Variants in WDR25 observed in about 807,000 individuals in gnomAD.
The protein encoded by WDR25 is WD repeat domain 25, also known as WD repeat-containing protein 25.
WDR25 carries 35 observed loss-of-function variants against 47.7 expected under a neutral mutation model. That is an observed-to-expected ratio of 0.73 (90% CI 0.56 to 0.97). The LOEUF (loss-of-function observed/expected upper bound fraction) is 0.97, where lower values mean the gene tolerates loss of function less well. WDR25 is among the 50% of genes least tolerant of loss of function. The pLI, the probability that WDR25 is intolerant of heterozygous loss-of-function variation, is 0.00. For missense variants in WDR25, 634 were observed against 704.7 expected, an observed-to-expected ratio of 0.90 and a Z score of 1.14; for synonymous variants, 248 against 278.9, an observed-to-expected ratio of 0.89 and a Z score of 1.10.
rs546879041 is a variant in WDR25, at chr14:100,381,288, G to A, written c.364G>A (p.Val122Ile). 23 of 1,614,210 alleles carry A rather than the reference G, an allele frequency of 1.4e-5. No homozygotes were observed. In the South Asian group the frequency reaches 2.4e-4, roughly 17 times the overall value. The change falls in exon 2 of 7, where the codon GTT becomes ATT. Residue 122 changes from valine (V) to isoleucine (I), a missense_variant. Val to Ile is a conservative substitution (Grantham distance 29). Transcript: ENST00000402312. The stretch of plus-strand genomic sequence containing the variant: ...TTGTTCTTCTCTGTGGACGAGCCAT[G>A]TTCCAGCCAGCCACATGCCCCTGGC... Reference protein sequence around the residue: ...PSCSSLWTSHVPASHMPLAAA... With the variant: ...PSCSSLWTSHIPASHMPLAAA...
In WDR25 at chr14:100,392,081, T is replaced by C. The variant is rs1472687615; in HGVS notation, c.822+10335T>C. On this transcript the variant is annotated intron_variant, in intron 2 of 6. Transcript: ENST00000402312. This position sits in a 1 kb window ranked among gnomAD's most constrained non-coding sequence, Gnocchi z 4.2. ...TTTTATAAGAATGTGCTATTTCTGTTAACATGTGGGGGGTTTGTTACTGTT... is the reference window on the plus strand; with the variant it reads ...TTTTATAAGAATGTGCTATTTCTGTCAACATGTGGGGGGTTTGTTACTGTT... Among the ~76,000 whole-genome samples the C allele has an allele frequency of 6.6e-6, 1 of 152,214 alleles. No individual in the cohort carries two copies. The highest frequency in any genetic ancestry group is 2.1e-4 in the South Asian group (1 of 4,836).
intron 4 of WDR25, chr14:100,487,745 T>G (rs1448433692): frequency 1.3e-5 from 2 of 152,238 alleles, no homozygotes; most frequent in Non-Finnish European, 2.9e-5. Flanking sequence ...CCAAACAAAC[T>G]ATCAAGGTTG....
At chr14:100,524,811 C>T (rs1288211930) in intron 4 of WDR25, among the ~76,000 whole-genome samples, 1 of 152,170 alleles carries the variant, frequency 6.6e-6, no homozygotes, top group South Asian at 2.1e-4. Context: ...TGAACCTCAT[C>T]CAGAGAATGG....
chr14:100,416,910 A>G (rs1002374101), intron 2 of WDR25, among the ~76,000 whole-genome samples: 30 of 152,220 alleles, frequency 2.0e-4, no homozygotes, highest in African/African-American at 6.8e-4. Context: ...CTGAGGAGAA[A>G]ATGTGTCAAT....
At chr14:100,395,107 G>A (rs1396641750) in intron 2 of WDR25, among the ~76,000 whole-genome samples, 5 of 152,220 alleles carry the variant, frequency 3.3e-5, no homozygotes, top group African/African-American at 1.2e-4. Flanking sequence ...TTTAGCCCTG[G>A]ATGGTCAGTG....
chr14:100,427,520 G>C (rs2140224765), intron 2 of WDR25, among the ~76,000 whole-genome samples: 1 of 152,302 alleles, frequency 6.6e-6, no homozygotes, highest in East Asian at 1.9e-4. Flanking sequence ...TGTGAGGCAA[G>C]AGTCCTGGTG....
chr14:100,420,305 T>C (rs1215697919), intron 2 of WDR25, among the ~76,000 whole-genome samples: 2 of 151,288 alleles, frequency 1.3e-5, no homozygotes. Flanking sequence ...CTTTCACTTG[T>C]AAGCACATTT....
intron 4 of WDR25, among the ~76,000 whole-genome samples, chr14:100,495,320 G>A (rs777830789): frequency 3.9e-5 from 6 of 152,192 alleles, no homozygotes; most frequent in Non-Finnish European, 7.3e-5. Context: ...CCGTGTCATT[G>A]TATCCAGTCT....
intron 2 of WDR25, among the ~76,000 whole-genome samples, chr14:100,457,814 T>C (rs980922369): frequency 6.6e-6 from 1 of 152,216 alleles, no homozygotes; most frequent in Non-Finnish European, 1.5e-5. Flanking sequence ...AGATTGTGTA[T>C]ATTATTGTTA....
At chr14:100,518,223 CT>C (rs1308099110) in intron 4 of WDR25, among the ~76,000 whole-genome samples, 1 of 152,162 alleles carries the variant, frequency 6.6e-6, no homozygotes, top group Non-Finnish European at 1.5e-5. Context: ...TTCATTTCCT[CT>C]TTATTCCTGA....
At position 100,518,662 on chromosome 14, in the gene WDR25, G is replaced by A. The variant is rs145709405; in HGVS notation, c.1102-7208G>A. ...TCCTAGCACTTTGGGAGGCCAAGGCGGGCAGATTGTCTGAGCTCAGGAGTT... is the reference window on the plus strand; with the variant it reads ...TCCTAGCACTTTGGGAGGCCAAGGCAGGCAGATTGTCTGAGCTCAGGAGTT... On this transcript the variant is annotated intron_variant, in intron 4 of 6. Transcript: ENST00000402312. Among the ~76,000 whole-genome samples, 85 of 152,170 alleles carry A rather than the reference G, an allele frequency of 5.6e-4. 1 individual carries two copies. The East Asian group carries it at 0.013, about 22-fold the overall frequency.
At chr14:100,466,151 C>G (rs570659640) in intron 2 of WDR25, among the ~76,000 whole-genome samples, 48 of 152,286 alleles carry the variant, frequency 3.2e-4, no homozygotes, top group African/African-American at 1.1e-3. Flanking sequence ...GCTGTGTCTT[C>G]TGGCTGTGTC....
intron 4 of WDR25, among the ~76,000 whole-genome samples, chr14:100,484,404 T>A (rs903710933): frequency 6.6e-6 from 1 of 152,170 alleles, no homozygotes; most frequent in Non-Finnish European, 1.5e-5. Context: ...ATAAAATGAA[T>A]CTGCTGGGTT....
intron 4 of WDR25, among the ~76,000 whole-genome samples, chr14:100,485,199 G>T (rs1023087887): frequency 3.3e-5 from 5 of 151,724 alleles, no homozygotes; most frequent in African/African-American, 4.8e-5. Context: ...CTGTCATGGG[G>T]CTCTGCTCAC....
intron 2 of WDR25, among the ~76,000 whole-genome samples, chr14:100,422,117 G>A (rs988780746): frequency 6.6e-6 from 1 of 152,208 alleles, no homozygotes; most frequent in Non-Finnish European, 1.5e-5. Context: ...GTTTGGGCAG[G>A]GCTTGGTGTG....
intron 2 of WDR25, among the ~76,000 whole-genome samples, chr14:100,403,761 G>A (rs1433292533): frequency 6.6e-6 from 1 of 152,188 alleles, no homozygotes; most frequent in East Asian, 1.9e-4. Flanking sequence ...AAGCTGGCTG[G>A]AATGAGGCAG....
intron 2 of WDR25, among the ~76,000 whole-genome samples, chr14:100,394,178 G>A (rs185814814): frequency 2.6e-5 from 4 of 152,314 alleles, no homozygotes; most frequent in Non-Finnish European, 4.4e-5. Context: ...TTTGCCTCCA[G>A]TTGCCTTGAT....
At chr14:100,423,059 T>C in intron 2 of WDR25, among the ~76,000 whole-genome samples, 1 of 152,218 alleles carries the variant, frequency 6.6e-6, no homozygotes. Flanking sequence ...ATGTGATAGA[T>C]TTTCATTTAA....
intron 2 of WDR25, chr14:100,454,593 C>T: frequency 2.0e-6 from 1 of 500,152 alleles, no homozygotes; most frequent in Non-Finnish European, 3.6e-6. Context: ...CAGACGTCTA[C>T]CCTCCAAAGA....
Sources: gnomAD v4.1 joint callset for allele counts (sites outside exome capture counted in the v4.1 genomes callset) on GRCh38, gnomAD v4.1.1 for gene constraint, Gnocchi (gnomAD v3.1) non-coding constraint, MANE v1.5 for transcripts, NCBI Gene and HGNC (gene_info 2026-07-23, HGNC 2026-07-21) for gene names.